Variants in OR1J2 observed in about 807,000 individuals in gnomAD.
OR1J2 encodes the protein olfactory receptor family 1 subfamily J member 2, also known as olfactory receptor 1J2.
For synonymous variants in OR1J2, 142 were observed against 99.7 expected, an observed-to-expected ratio of 1.42 and a Z score of -2.52; for missense variants, 304 against 246.1, an observed-to-expected ratio of 1.24 and a Z score of -1.57.
the OR1J2 span, among the ~76,000 whole-genome samples, chr9:122,452,886 G>A: frequency 6.6e-6 from 1 of 151,840 alleles, no homozygotes; most frequent in Non-Finnish European, 1.5e-5. Flanking sequence ...AAATTAGCTG[G>A]GTGTGGTGGC....
At chr9:122,540,232 G>A in the OR1J2 span, among the ~76,000 whole-genome samples, 5,556 of 151,872 alleles carry the variant, frequency 0.037, 354 homozygotes, top group African/African-American at 0.13. Flanking sequence ...TTTCTTCTGG[G>A]GTTTTTATGG....
chr9:122,483,789 C>G, the OR1J2 span, among the ~76,000 whole-genome samples: 1 of 152,112 alleles, frequency 6.6e-6, no homozygotes, highest in Admixed American at 6.5e-5. Flanking sequence ...TTTTACTTCT[C>G]TTTATTTTTG....
the OR1J2 span, among the ~76,000 whole-genome samples, chr9:122,573,235 TAAC>T: frequency 6.6e-6 from 1 of 152,160 alleles, no homozygotes; most frequent in African/African-American, 2.4e-5. Context: ...AGAATGGAAA[TAAC>T]AGTTAACAGA....
chr9:122,569,670 ATTTTATTTTATTTTATTTTATT>A, the OR1J2 span, among the ~76,000 whole-genome samples: 8 of 11,868 alleles, frequency 6.7e-4, no homozygotes, highest in African/African-American at 1.5e-3. Context: ...ATTTTATTTT[ATTTTATTTTATTTTATTTTATT>A]TTATTATTTA....
chr9:122,502,782 A>G, the OR1J2 span, among the ~76,000 whole-genome samples: 1 of 151,920 alleles, frequency 6.6e-6, no homozygotes, highest in Admixed American at 6.6e-5. Flanking sequence ...TGGTAGGAGT[A>G]TCCAGGATCT....
At chr9:122,527,120 G>A in the OR1J2 span, 1 of 1,614,210 alleles carries the variant, frequency 6.2e-7, no homozygotes, top group Middle Eastern at 1.6e-4. Context: ...CCAAGAAAAA[G>A]TACATGGGGG....
At chr9:122,525,155 G>T in the OR1J2 span, among the ~76,000 whole-genome samples, 1 of 152,176 alleles carries the variant, frequency 6.6e-6, no homozygotes, top group Non-Finnish European at 1.5e-5. Context: ...GGAACATCTG[G>T]AAAGGAGTTC....
the OR1J2 span, among the ~76,000 whole-genome samples, chr9:122,518,027 T>C: frequency 6.6e-6 from 1 of 152,212 alleles, no homozygotes; most frequent in African/African-American, 2.4e-5. Flanking sequence ...TCCATGTCCC[T>C]GCATAGGACA....
the OR1J2 span, among the ~76,000 whole-genome samples, chr9:122,452,837 T>TGGTGAAACCCCAGGAGTTCAA: frequency 4.8e-3 from 727 of 152,190 alleles, 5 homozygotes; most frequent in African/African-American, 0.017. Flanking sequence ...AAGACCAGCC[T>TGGTGAAACCCCAGGAGTTCAA]GACCAACATG....
chr9:122,568,958 A>G, the OR1J2 span, among the ~76,000 whole-genome samples: 2 of 151,228 alleles, frequency 1.3e-5, no homozygotes, highest in Non-Finnish European at 3.0e-5. Flanking sequence ...CTGGGGAGTC[A>G]GACTGGGGGT....
At chr9:122,553,230 G>A in the OR1J2 span, 4 of 1,613,928 alleles carry the variant, frequency 2.5e-6, no homozygotes, top group South Asian at 1.1e-5. Context: ...ACCAGGCAGA[G>A]TGAACCAAAC....
the OR1J2 span, among the ~76,000 whole-genome samples, chr9:122,528,494 A>G: frequency 1.4e-3 from 211 of 152,326 alleles, no homozygotes; most frequent in African/African-American, 4.9e-3. Flanking sequence ...GCTACTTGGT[A>G]GGCTGAGGCC....
At chr9:122,535,754 G>A in the OR1J2 span, among the ~76,000 whole-genome samples, 4 of 152,082 alleles carry the variant, frequency 2.6e-5, no homozygotes, top group East Asian at 1.9e-4. Flanking sequence ...TTTCATGTGC[G>A]TCCGTGTGAA....
the OR1J2 span, among the ~76,000 whole-genome samples, chr9:122,555,165 A>G: frequency 6.6e-6 from 1 of 152,238 alleles, no homozygotes; most frequent in South Asian, 2.1e-4. Context: ...CTCACAGAGA[A>G]AAAGAAGCAC....
the OR1J2 span, among the ~76,000 whole-genome samples, chr9:122,569,175 C>T: frequency 6.6e-6 from 1 of 152,158 alleles, no homozygotes; most frequent in South Asian, 2.1e-4. Context: ...TTCATCCTCC[C>T]TAGCTCATGA....
At chr9:122,543,629 A>T in the OR1J2 span, among the ~76,000 whole-genome samples, 334 of 152,290 alleles carry the variant, frequency 2.2e-3, 1 homozygote, top group African/African-American at 7.7e-3. Context: ...GTACCTGGAA[A>T]CTTGCCATTG....
At chr9:122,488,583 G>A in the OR1J2 span, among the ~76,000 whole-genome samples, 1 of 152,142 alleles carries the variant, frequency 6.6e-6, no homozygotes, top group Non-Finnish European at 1.5e-5. Context: ...TTTATTTTTG[G>A]TTAGTGATGA....
the OR1J2 span, among the ~76,000 whole-genome samples, chr9:122,484,141 T>C: frequency 1.3e-5 from 2 of 152,116 alleles, no homozygotes; most frequent in Non-Finnish European, 2.9e-5. Flanking sequence ...GCAGTTACAA[T>C]AATTTTTACT....
chr9:122,459,929 C>CTT, the OR1J2 span, among the ~76,000 whole-genome samples: 1 of 151,948 alleles, frequency 6.6e-6, no homozygotes, highest in Non-Finnish European at 1.5e-5. Context: ...TTAAAAGACG[C>CTT]TTTTAATGGC....
Sources: allele counts gnomAD v4.1 joint callset (sites outside exome capture counted in the v4.1 genomes callset), GRCh38; gene constraint gnomAD v4.1.1; transcripts MANE v1.5; gene names NCBI Gene and HGNC (gene_info 2026-07-23, HGNC 2026-07-21).